Variants in SGMS1 observed in about 807,000 individuals in gnomAD.
SGMS1 encodes phosphatidylcholine:ceramide cholinephosphotransferase 1.
In SGMS1, 13 loss-of-function variants were observed where a neutral mutation model predicts 46.2. The observed-to-expected ratio is 0.28, with a 90% CI of 0.18 to 0.45. The LOEUF (loss-of-function observed/expected upper bound fraction) is 0.45. SGMS1 is among the 20% of genes least tolerant of loss of function. The pLI is 1.00. For missense variants in SGMS1, 324 were observed against 519.9 expected, an observed-to-expected ratio of 0.62 and a Z score of 3.66; for synonymous variants, 203 against 187.8, an observed-to-expected ratio of 1.08 and a Z score of -0.66.
chr10:50,569,863 G>A (rs899651806), intron 2 of SGMS1, among the ~76,000 whole-genome samples: 4 of 152,106 alleles, frequency 2.6e-5, no homozygotes, highest in Admixed American at 2.6e-4. Context: ...CAAAGAAGCT[G>A]GGGTGATCCC....
intron 2 of SGMS1, among the ~76,000 whole-genome samples, chr10:50,551,177 A>C (rs1405632243): frequency 6.6e-6 from 1 of 152,080 alleles, no homozygotes; most frequent in African/African-American, 2.4e-5. Context: ...TCAGGTGATC[A>C]AGCTCAATAT....
In SGMS1 at chr10:50,343,545, A is replaced by G. The variant is rs369765837; in HGVS notation, c.570T>C (p.Asn190=). The change falls in exon 7 of 11, where the codon AAT becomes AAC. Residue 190 remains asparagine (N), a synonymous_variant. Transcript: ENST00000361781. ...VQWAFSICEI[N]GMILVGLWLI... ...ACCAGAGTCCTACAAGGATCATGCC[A>G]TTAATTTCACAAATAGAAAAGGCCC... 1.2e-4 allele frequency: 197 copies of G among 1,613,970 alleles called. No individual in the cohort carries two copies. Among genetic ancestry groups the G allele is most frequent in the Non-Finnish European group, 1.5e-4 (175 of 1,180,030 alleles).
chr10:50,387,964 G>C lies in SGMS1; in HGVS notation c.-231-43619C>G, dbSNP rs574629791. On this transcript the variant is annotated intron_variant, in intron 6 of 10. Coordinates refer to ENST00000361781, the MANE Select transcript of SGMS1 (RefSeq NM_147156.4). ...GACCAAAAATTGGTGATTGGCACAA[G>C]AGTAGGTTACAGTCTGTTTACACCT... Among the ~76,000 whole-genome samples the C allele has an allele frequency of 5.9e-5, 9 of 152,328 alleles. No individual in the cohort carries two copies. The East Asian group carries it at 1.7e-3, about 29-fold the overall frequency.
chr10:50,492,350 G>T (rs1434024571), intron 3 of SGMS1, among the ~76,000 whole-genome samples: 13 of 151,596 alleles, frequency 8.6e-5, no homozygotes, highest in Non-Finnish European at 3.0e-5. Flanking sequence ...ATAATGCGAA[G>T]AGAGTCAGTC....
intron 2 of SGMS1, among the ~76,000 whole-genome samples, chr10:50,575,201 T>C (rs760328463): frequency 3.9e-5 from 6 of 151,980 alleles, no homozygotes; most frequent in Admixed American, 6.6e-5. Context: ...TAGTACAACA[T>C]AGTGTACAAT....
chr10:50,406,793 C>T (rs1019971212), intron 6 of SGMS1, among the ~76,000 whole-genome samples: 1 of 151,596 alleles, frequency 6.6e-6, no homozygotes, highest in African/African-American at 2.4e-5. Flanking sequence ...CAGCCTTGTC[C>T]CCTTGGGCTT....
intron 8 of SGMS1, among the ~76,000 whole-genome samples, chr10:50,312,868 C>A (rs141215357): frequency 1.1e-3 from 162 of 152,244 alleles, no homozygotes; most frequent in African/African-American, 3.8e-3. Context: ...CACAGTAGCT[C>A]ACAAGTTTGG....
chr10:50,494,495 A>G (rs1837593726), intron 3 of SGMS1, among the ~76,000 whole-genome samples: 2 of 152,214 alleles, frequency 1.3e-5, no homozygotes, highest in South Asian at 4.1e-4. Flanking sequence ...ATGGAGCTGG[A>G]GGCCATTATC....
At chr10:50,412,364 T>C (rs556426921) in intron 6 of SGMS1, among the ~76,000 whole-genome samples, 1 of 152,220 alleles carries the variant, frequency 6.6e-6, no homozygotes, top group East Asian at 1.9e-4. Context: ...CCCTGGAAAA[T>C]TAACAGAAAT....
intron 6 of SGMS1, among the ~76,000 whole-genome samples, chr10:50,386,450 T>C (rs1369367304): frequency 6.6e-6 from 1 of 152,186 alleles, no homozygotes; most frequent in Non-Finnish European, 1.5e-5. Flanking sequence ...GATACTGTCA[T>C]TACTAGCTAA....
chr10:50,428,977 A>G (rs1849365322), intron 6 of SGMS1, among the ~76,000 whole-genome samples: 1 of 152,254 alleles, frequency 6.6e-6, no homozygotes, highest in Non-Finnish European at 1.5e-5. Flanking sequence ...ATAATCCAAC[A>G]AAAAACCTAT....
At chr10:50,378,735 C>G (rs1848557270) in intron 6 of SGMS1, among the ~76,000 whole-genome samples, 1 of 152,158 alleles carries the variant, frequency 6.6e-6, no homozygotes, top group Admixed American at 6.5e-5. Flanking sequence ...GGATTAATCA[C>G]TACTAGTGTC....
chr10:50,562,429 C>T (rs549152119), intron 2 of SGMS1, among the ~76,000 whole-genome samples: 9 of 151,858 alleles, frequency 5.9e-5, no homozygotes, highest in Non-Finnish European at 1.2e-4. Flanking sequence ...ACCACAATCA[C>T]CTTCCCCCCA....
chr10:50,384,414 C>T (rs1052570842), intron 6 of SGMS1, among the ~76,000 whole-genome samples: 1 of 151,052 alleles, frequency 6.6e-6, no homozygotes, highest in Non-Finnish European at 1.5e-5. Context: ...TTCCTTCCTT[C>T]TTTCTCCTTT....
intron 5 of SGMS1, among the ~76,000 whole-genome samples, chr10:50,451,482 A>T (rs1181719640): frequency 1.3e-5 from 2 of 152,200 alleles, no homozygotes; most frequent in African/African-American, 4.8e-5. Flanking sequence ...CCTTAATACC[A>T]TAATACATGC....
chr10:50,348,824 T>C (rs1847958586), intron 6 of SGMS1, among the ~76,000 whole-genome samples: 1 of 152,108 alleles, frequency 6.6e-6, no homozygotes, highest in Admixed American at 6.5e-5. Context: ...TACTTCAAAT[T>C]TCATATGGAA....
At chr10:50,625,101 G>C (rs1363790615), upstream of SGMS1, 1 of 982,686 alleles carries the variant, frequency 1.0e-6, no homozygotes, top group African/African-American at 1.7e-5. Flanking sequence ...TGGGGTATAG[G>C]AGTCCTGTAC....
chr10:50,602,610 G>C (rs1027681048), intron 1 of SGMS1, among the ~76,000 whole-genome samples: 2 of 152,042 alleles, frequency 1.3e-5, no homozygotes, highest in African/African-American at 4.8e-5. Flanking sequence ...GAGACAGCAA[G>C]GTCCCTGAAC....
rs954601568 is a variant in SGMS1 at position 50,564,833 on chromosome 10, C to T, written c.-589+25320G>A. Among the ~76,000 whole-genome samples, 5 of 150,410 alleles carry T rather than the reference C, an allele frequency of 3.3e-5. No homozygotes were observed. In the East Asian group the frequency reaches 7.8e-4, roughly 23 times the overall value. ...TTATTATACTTTAAGTTTTAGGGTACATGTGCACATTGTGCAGGTTAGTTA... is the reference window on the plus strand; with the variant it reads ...TTATTATACTTTAAGTTTTAGGGTATATGTGCACATTGTGCAGGTTAGTTA... On this transcript the variant is annotated intron_variant, in intron 2 of 10. Coordinates refer to ENST00000361781, the MANE Select transcript of SGMS1 (RefSeq NM_147156.4).
Sources: allele counts gnomAD v4.1 joint callset (sites outside exome capture counted in the v4.1 genomes callset), GRCh38; gene constraint gnomAD v4.1.1; transcripts MANE v1.5; gene names NCBI Gene and HGNC (gene_info 2026-07-23, HGNC 2026-07-21).